ABCC4: variants seen among roughly 807,000 people sequenced by gnomAD.
The protein encoded by ABCC4 is ATP-binding cassette sub-family C member 4.
A neutral mutation model predicts 168.5 loss-of-function variants in ABCC4; 102 were observed. The observed-to-expected ratio is 0.61, with a 90% CI of 0.52 to 0.71. The LOEUF is 0.71. Ranked by LOEUF, ABCC4 falls within the 30% of genes least tolerant of loss-of-function variation. The probability of loss-of-function intolerance (pLI) is 0.00; values close to 1 mark genes in which losing one functional copy is unlikely to be tolerated. For synonymous variants in ABCC4, 617 were observed against 590.7 expected (o/e 1.04, Z -0.65); for missense variants, 1,402 against 1,605.8 (o/e 0.87, Z 2.17).
intron 1 of ABCC4, among the ~76,000 whole-genome samples, chr13:95,275,226 C>T (rs750764351): frequency 5.3e-5 from 8 of 152,124 alleles, no homozygotes; most frequent in Non-Finnish European, 7.4e-5. Context: ...AGAGGAAGGG[C>T]AATTTGGCCA....
chr13:95,259,859 A>AGG (rs1566577702), intron 1 of ABCC4, among the ~76,000 whole-genome samples: 13,193 of 135,230 alleles, frequency 0.098, 1,337 homozygotes, highest in African/African-American at 0.26. Context: ...GTGTGGGGAA[A>AGG]AAAAAAAAAA....
chr13:95,106,914 T>C (rs896919303), intron 20 of ABCC4, among the ~76,000 whole-genome samples: 2 of 152,150 alleles, frequency 1.3e-5, no homozygotes, highest in Admixed American at 1.3e-4. Context: ...TTGTCTAAAA[T>C]CAAATACATG....
At chr13:95,066,729 A>G (rs146470652) in intron 25 of ABCC4, among the ~76,000 whole-genome samples, 133 of 152,326 alleles carry the variant, frequency 8.7e-4, no homozygotes, top group Admixed American at 1.6e-3. Context: ...ATGGGACGGA[A>G]ACCCAAGTCT....
intron 3 of ABCC4, among the ~76,000 whole-genome samples, chr13:95,244,640 A>G (rs796367825): frequency 0.023 from 890 of 38,874 alleles, 281 homozygotes; most frequent in Non-Finnish European, 0.032. Context: ...AAAGAAAGAA[A>G]GAAAGAAAGA....
Position 95,021,673 on chromosome 13 carries a change from T to C in ABCC4, c.3880A>G (p.Lys1294Glu), listed in dbSNP as rs1437465235. The stretch of plus-strand genomic sequence containing the variant: ...TGACCAATATGTGGATAATTTCTTT[T>C]GAAGTATACCTAGAAAAAAAAAAGG... ...LTETAKQVYFKRNYPHIGHTD... is the reference protein window; with the variant it reads ...LTETAKQVYFERNYPHIGHTD... The change falls in exon 31 of 31, where the codon AAA (lysine) becomes GAA (glutamate). Residue 1294 changes from lysine (K) to glutamate (E), a missense_variant. Physicochemically the swap from Lys to Glu is moderately conservative, Grantham distance 56. Coordinates refer to ENST00000645237, the MANE Select transcript of ABCC4 (RefSeq NM_005845.5). The C allele has an allele frequency of 1.9e-6, 3 of 1,604,236 alleles. No individual in the cohort carries two copies. The African/African-American group carries it at 4.0e-5, about 22-fold the overall frequency.
chr13:95,059,615 T>C (rs2139280611), intron 26 of ABCC4, among the ~76,000 whole-genome samples: 1 of 150,224 alleles, frequency 6.7e-6, no homozygotes, highest in East Asian at 2.0e-4. Context: ...AACATTAGAT[T>C]TCTCTCTTAG....
chr13:95,094,922 T>G (rs2034544175), intron 20 of ABCC4, among the ~76,000 whole-genome samples: 1 of 152,088 alleles, frequency 6.6e-6, no homozygotes. Flanking sequence ...ACTAGGGAAA[T>G]GCAAATCAAA....
intron 20 of ABCC4, among the ~76,000 whole-genome samples, chr13:95,086,106 T>TGTGTGTGC (rs1361364379): frequency 1.3e-5 from 2 of 151,900 alleles, no homozygotes; most frequent in Non-Finnish European, 2.9e-5. Context: ...TGTGTGTGTG[T>TGTGTGTGC]GTGTGTGTGT....
At chr13:95,066,648 G>A (rs903548685) in intron 25 of ABCC4, among the ~76,000 whole-genome samples, 2 of 152,170 alleles carry the variant, frequency 1.3e-5, no homozygotes, top group Admixed American at 6.5e-5. Context: ...CTTGCATTTT[G>A]CAAAAGAGAA....
At chr13:95,167,196 A>AAATAAATG (rs2037307262) in intron 14 of ABCC4, among the ~76,000 whole-genome samples, 1 of 151,222 alleles carries the variant, frequency 6.6e-6, no homozygotes, top group African/African-American at 2.4e-5. Context: ...ATAAATAAAT[A>AAATAAATG]AATAAATAAA....
intron 3 of ABCC4, among the ~76,000 whole-genome samples, chr13:95,240,737 G>A (rs576121721): frequency 1.2e-4 from 19 of 152,076 alleles, no homozygotes; most frequent in Middle Eastern, 3.4e-3. Flanking sequence ...TTGGGAGGCC[G>A]AGGCAGACGA....
chr13:95,197,829 T>C (rs905630770), intron 8 of ABCC4, among the ~76,000 whole-genome samples: 1 of 152,194 alleles, frequency 6.6e-6, no homozygotes, highest in African/African-American at 2.4e-5. Context: ...TGGACTTGCT[T>C]AATGCCAAGA....
At chr13:95,027,294 G>A (rs74107822) in intron 30 of ABCC4, among the ~76,000 whole-genome samples, 6,201 of 152,006 alleles carry the variant, frequency 0.041, 397 homozygotes, top group African/African-American at 0.13. Context: ...ATAATGGGTG[G>A]CACATTTCAC....
intron 25 of ABCC4, among the ~76,000 whole-genome samples, chr13:95,064,299 C>T (rs74963524): frequency 1.8e-3 from 179 of 102,056 alleles, no homozygotes; most frequent in South Asian, 3.3e-3. Context: ...TATATATATA[C>T]ACACACACAC....
At chr13:95,125,901 G>A (rs138451274) in intron 19 of ABCC4, among the ~76,000 whole-genome samples, 79 of 152,286 alleles carry the variant, frequency 5.2e-4, no homozygotes, top group African/African-American at 1.8e-3. Flanking sequence ...CCAGCCTCAC[G>A]TAGCATCCAG....
At chr13:95,294,221 G>A (rs7326704) in intron 1 of ABCC4, among the ~76,000 whole-genome samples, 43,395 of 151,868 alleles carry the variant, frequency 0.29, 7,735 homozygotes, top group African/African-American at 0.51. Flanking sequence ...TTATCCGGGC[G>A]TGGTTTTGAG....
At chr13:95,176,881 G>C (rs1217827096) in intron 13 of ABCC4, among the ~76,000 whole-genome samples, 1 of 152,214 alleles carries the variant, frequency 6.6e-6, no homozygotes, top group Non-Finnish European at 1.5e-5. Context: ...GGCCAGTCTA[G>C]ACTATGTAGG....
intron 19 of ABCC4, among the ~76,000 whole-genome samples, chr13:95,117,910 C>A (rs1049749202): frequency 4.6e-5 from 7 of 151,906 alleles, no homozygotes; most frequent in African/African-American, 1.7e-4. Flanking sequence ...GAGACCTCAT[C>A]TCTACAAAAA....
intron 3 of ABCC4, among the ~76,000 whole-genome samples, chr13:95,243,511 G>A (rs1363170687): frequency 1.3e-5 from 2 of 152,178 alleles, no homozygotes; most frequent in Non-Finnish European, 2.9e-5. Flanking sequence ...TTAACAGCGT[G>A]GATGTTGATG....
Sources: allele counts gnomAD v4.1 joint callset (sites outside exome capture counted in the v4.1 genomes callset), GRCh38; gene constraint gnomAD v4.1.1; transcripts MANE v1.5; gene names NCBI Gene and HGNC (gene_info 2026-07-23, HGNC 2026-07-21).